LRP2: variants seen among roughly 807,000 people sequenced by gnomAD.
LRP2 encodes the protein LDL receptor related protein 2.
In LRP2, 172 loss-of-function variants were observed where a neutral mutation model predicts 531.0. The observed-to-expected ratio is 0.32, with a 90% CI of 0.29 to 0.37. LRP2 has a LOEUF of 0.37. Ranked by LOEUF, LRP2 falls within the 10% of genes least tolerant of loss-of-function variation. The pLI is 1.00. For missense variants in LRP2, 5,167 were observed against 5,868.3 expected, an observed-to-expected ratio of 0.88 and a Z score of 3.90; for synonymous variants, 1,992 against 2,027.6, an observed-to-expected ratio of 0.98 and a Z score of 0.47.
At chr2:169,352,724 C>T (rs1685882377) in intron 1 of LRP2, among the ~76,000 whole-genome samples, 1 of 152,060 alleles carries the variant, frequency 6.6e-6, no homozygotes, top group Admixed American at 6.5e-5. Context: ...CGCTGGAAGC[C>T]ATCATTCTCA....
At chr2:169,162,653 T>A (rs931391803) in intron 62 of LRP2, 53 bp from the exon 63 acceptor site, 1 of 1,567,498 alleles carries the variant, frequency 6.4e-7, no homozygotes. Context: ...TGAAGCAAGA[T>A]ACTTCCTTCT....
intron 61 of LRP2, among the ~76,000 whole-genome samples, chr2:169,166,927 A>G (rs537745144): frequency 6.6e-6 from 1 of 152,346 alleles, no homozygotes; most frequent in South Asian, 2.1e-4. Flanking sequence ...ACAGGGATCA[A>G]GAGGAGAGAC....
At chr2:169,189,485 A>G (rs1173606866) in intron 48 of LRP2, among the ~76,000 whole-genome samples, 1 of 152,212 alleles carries the variant, frequency 6.6e-6, no homozygotes, top group Non-Finnish European at 1.5e-5. Flanking sequence ...TTTAGATCCA[A>G]TGCAGGAGGA....
intron 2 of LRP2, 150 bp from the exon 3 acceptor site, chr2:169,319,034 G>A: frequency 1.0e-6 from 1 of 973,978 alleles, no homozygotes; most frequent in Non-Finnish European, 1.6e-6. Context: ...AGAGTCTGTG[G>A]ACGCCAGTCA....
Position 169,204,090 on chromosome 2 carries a change from A to T in LRP2, c.7897T>A (p.Leu2633Met). 1 of 1,614,136 alleles carries T rather than the reference A, an allele frequency of 6.2e-7. No individual in the cohort carries two copies. The highest frequency in any genetic ancestry group is 1.1e-5 in the South Asian group (1 of 91,080). Residue 2633 changes from leucine to methionine, a missense_variant, in exon 42 of 79, where the codon TTG (leucine) becomes ATG (methionine). Physicochemically the swap from Leu to Met is conservative, Grantham distance 15. Around this residue, in one of 6 missense-constraint regions of LRP2, gnomAD observed 1,129 missense variants for 1,362.7 expected, o/e 0.83. Transcript: ENST00000649046. ...TTGATTCCCCTGGGCTGGGAGAGCA[A>T]ATTTGTGGTCATTGCAATCTGACCT... ...GSGQIAMTTN[L>M]LSQPRGINTV...
intron 38 of LRP2, among the ~76,000 whole-genome samples, chr2:169,208,997 C>T (rs1381264069): frequency 1.3e-5 from 2 of 152,062 alleles, no homozygotes; most frequent in Non-Finnish European, 1.5e-5. Flanking sequence ...ATCTCATGAT[C>T]TAAGGGATTT....
intron 16 of LRP2, among the ~76,000 whole-genome samples, chr2:169,263,529 A>G (rs1189274102): frequency 1.3e-5 from 2 of 150,824 alleles, no homozygotes; most frequent in Non-Finnish European, 3.0e-5. Flanking sequence ...AGAAATGCAA[A>G]TCAAAACCAC....
intron 4 of LRP2, among the ~76,000 whole-genome samples, chr2:169,301,416 A>T (rs886387757): frequency 6.7e-6 from 1 of 149,974 alleles, no homozygotes; most frequent in African/African-American, 2.4e-5. Context: ...AAAAAAAAAA[A>T]GTTAATTGAC....
chr2:169,271,150 C>A (rs1320625817), intron 15 of LRP2, 43 bp from the exon 16 acceptor site: 2 of 1,354,230 alleles, frequency 1.5e-6, no homozygotes, highest in Admixed American at 3.6e-5. Flanking sequence ...CAGCATGGTT[C>A]TTTTCTCTCC....
chr2:169,195,996 G>A (rs1687990237), intron 46 of LRP2, among the ~76,000 whole-genome samples: 1 of 152,144 alleles, frequency 6.6e-6, no homozygotes, highest in Non-Finnish European at 1.5e-5. Flanking sequence ...TAAAATAAAA[G>A]CAACCTAATG....
At chr2:169,277,611 C>G (rs1683589925) in intron 13 of LRP2, 134 bp downstream of exon 13, 2 of 822,194 alleles carry the variant, frequency 2.4e-6, no homozygotes, top group Admixed American at 2.1e-5. Flanking sequence ...AATGTCAGTA[C>G]AAAGGTCATT....
intron 63 of LRP2, among the ~76,000 whole-genome samples, chr2:169,159,889 C>T (rs910946303): frequency 1.8e-4 from 28 of 152,130 alleles, no homozygotes; most frequent in African/African-American, 6.8e-4. Context: ...ACCAAGTGAT[C>T]CACTAAATGA....
intron 63 of LRP2, among the ~76,000 whole-genome samples, chr2:169,159,705 G>C (rs114230164): frequency 0.021 from 3,210 of 152,058 alleles, 44 homozygotes; most frequent in Non-Finnish European, 0.032. Flanking sequence ...GAGATTAGCA[G>C]TGATATCCCC....
Position 169,280,513 on chromosome 2 carries a change from T to A in LRP2, c.1178A>T (p.Glu393Val), listed in dbSNP as rs1683674681. ...QYCKANDSFGEASIIFSNGRD... is the reference protein window; with the variant it reads ...QYCKANDSFGVASIIFSNGRD... ...ACCATTGGAGAAGATAATGGAGGCC[T>A]CGCCAACTAAATGCGAAGAAGGAAG... Residue 393 changes from glutamate to valine, a missense_variant, in exon 11 of 79, where the codon GAG becomes GTG. By Grantham distance (121) the Glu-to-Val change is moderately radical. Transcript: ENST00000649046. The A allele has an allele frequency of 6.2e-7, 1 of 1,613,960 alleles. No individual in the cohort carries two copies. The highest frequency in any genetic ancestry group is 8.5e-7 in the Non-Finnish European group (1 of 1,180,006).
intron 54 of LRP2, 65 bp downstream of exon 54, chr2:169,176,346 C>G (rs992050175): frequency 3.1e-5 from 50 of 1,594,454 alleles, no homozygotes; most frequent in Non-Finnish European, 3.2e-5. Flanking sequence ...TCCCTTGGAG[C>G]CTTGAAGGTC....
intron 38 of LRP2, 90 bp from the exon 39 acceptor site, chr2:169,207,340 G>T (rs912948108): frequency 6.7e-6 from 6 of 896,842 alleles, no homozygotes; most frequent in African/African-American, 3.3e-5. Context: ...AAATATATAA[G>T]GTTGAAGTCT....
At position 169,188,181 on chromosome 2, in the gene LRP2, A is replaced by G; in HGVS notation, c.9117T>C (p.Cys3039=). ...TTTTACTAATGCAGCGCCCGTTCTG[A>G]CAGGTAAACTGATTCTGTTGGCAAG... The part of the protein sequence containing the change: ...YQTCQQNQFT[C]QNGRCISKTF... Residue 3039 remains cysteine (C), a synonymous_variant, in exon 49 of 79, where the codon TGT becomes TGC. Transcript: ENST00000649046. The G allele has an allele frequency of 6.2e-7, 1 of 1,614,154 alleles. No individual in the cohort carries two copies. The highest frequency in any genetic ancestry group is 1.3e-5 in the African/African-American group (1 of 75,048).
Position 169,271,021 on chromosome 2 carries a change from G to C in LRP2, c.2203C>G (p.Pro735Ala), listed in dbSNP as rs1051501746. Residue 735 changes from proline (P) to alanine (A), a missense_variant, in exon 16 of 79, where the codon CCA becomes GCA. Physicochemically the swap from Pro to Ala is conservative, Grantham distance 27 (BLOSUM62 -1). Transcript: ENST00000649046. Reference sequence around the variant, plus strand: ...AAGAAAGAAGGATTCCCCGAAACTGGAACCATGACATCTTCCTGGGTAGAC... The same window carrying C: ...AAGAAAGAAGGATTCCCCGAAACTGCAACCATGACATCTTCCTGGGTAGAC... ...TLSTQEDVMV[P>A]VSGNPSFFVG... The C allele has an allele frequency of 1.2e-6, 2 of 1,613,112 alleles. No homozygotes were observed. Among genetic ancestry groups the C allele is most frequent in the African/African-American group, 1.3e-5 (1 of 74,828 alleles).
Position 169,165,953 on chromosome 2 carries a change from T to G in LRP2, c.11737A>C (p.Thr3913Pro). 1 of 1,614,076 alleles carries G rather than the reference T, an allele frequency of 6.2e-7. No homozygotes were observed. ...CNGVDDCGDG[T>P]DETEEHCRKP... ...TTACAGTGCTCCTCTGTCTCATCAG[T>G]TCCATCTCCACAGTCATCCACACCA... The change falls in exon 62 of 79, where the codon ACT becomes CCT. Residue 3913 changes from threonine (T) to proline (P), a missense_variant. Around this residue, in one of 6 missense-constraint regions of LRP2, gnomAD observed 564 missense variants for 747.7 expected, o/e 0.75. Coordinates refer to ENST00000649046, the MANE Select transcript of LRP2 (RefSeq NM_004525.3).
Sources: allele counts gnomAD v4.1 joint callset (sites outside exome capture counted in the v4.1 genomes callset), GRCh38; gene constraint gnomAD v4.1.1; regional missense constraint gnomAD v4.1.1; transcripts MANE v1.5; gene names NCBI Gene and HGNC (gene_info 2026-07-23, HGNC 2026-07-21).